Variants in PDE1A observed in about 807,000 individuals in gnomAD.
The protein encoded by PDE1A is dual specificity calcium/calmodulin-dependent 3',5'-cyclic nucleotide phosphodiesterase 1A.
PDE1A carries 35 observed loss-of-function variants against 61.7 expected under a neutral mutation model. The observed-to-expected ratio is 0.57, with a 90% CI of 0.43 to 0.75. The LOEUF (loss-of-function observed/expected upper bound fraction) is 0.75, where lower values mean the gene tolerates loss of function less well. PDE1A is among the 30% of genes least tolerant of loss of function. The pLI is 0.00. For missense variants in PDE1A, 597 were observed against 630.6 expected, an observed-to-expected ratio of 0.95 and a Z score of 0.57; for synonymous variants, 232 against 213.2, an observed-to-expected ratio of 1.09 and a Z score of -0.77.
intron 1 of PDE1A, among the ~76,000 whole-genome samples, chr2:182,270,139 C>T (rs1306542063): frequency 6.6e-6 from 1 of 152,052 alleles, no homozygotes; most frequent in Non-Finnish European, 1.5e-5. Flanking sequence ...AAGGGACTTC[C>T]TTACCTTCTA....
Position 182,478,639 on chromosome 2 carries a change from C to T in PDE1A, c.101+43637G>A, listed in dbSNP as rs535894134. Among the ~76,000 whole-genome samples the T allele has an allele frequency of 7.0e-4, 107 of 152,004 alleles. 1 individual carries two copies. Among genetic ancestry groups the T allele is most frequent in the African/African-American group, 2.5e-3 (102 of 41,516 alleles). ...CACAACACAAAAGTCAAACATAGTA[C>T]CTGGACTGATCATGTCTGGATATCA... On this transcript the variant is annotated intron_variant, in intron 2 of 14. Transcript: ENST00000410103.
At chr2:182,710,229 A>T in the PDE1A span, among the ~76,000 whole-genome samples, 2 of 152,204 alleles carry the variant, frequency 1.3e-5, no homozygotes, top group Non-Finnish European at 2.9e-5. Context: ...ATTTTAAAAT[A>T]TTTAATTGAC....
chr2:182,168,637 G>A (rs909152328), intron 13 of PDE1A, among the ~76,000 whole-genome samples: 1 of 152,026 alleles, frequency 6.6e-6, no homozygotes, highest in Non-Finnish European at 1.5e-5. Context: ...AATCTAATGA[G>A]AGATTATCTT....
At chr2:182,619,399 C>G in the PDE1A span, among the ~76,000 whole-genome samples, 1 of 152,158 alleles carries the variant, frequency 6.6e-6, no homozygotes, top group South Asian at 2.1e-4. Flanking sequence ...TTGTGTGACC[C>G]ATACAAGCAG....
At chr2:182,147,514 GT>G (rs1163610321) in intron 13 of PDE1A, among the ~76,000 whole-genome samples, 2 of 152,068 alleles carry the variant, frequency 1.3e-5, no homozygotes, top group Admixed American at 6.6e-5. Context: ...AATGATCAAT[GT>G]TTTTTAACCA....
chr2:182,428,391 C>T (rs1203921161), upstream of PDE1A, among the ~76,000 whole-genome samples: 4 of 152,036 alleles, frequency 2.6e-5, no homozygotes, highest in Non-Finnish European at 4.4e-5. Flanking sequence ...AAAAACTACA[C>T]ACTTATTATG....
At chr2:182,222,006 C>A (rs1688767187) in intron 7 of PDE1A, among the ~76,000 whole-genome samples, 1 of 151,844 alleles carries the variant, frequency 6.6e-6, no homozygotes. Flanking sequence ...CCACATCAAA[C>A]AATAACTCCC....
At chr2:182,408,473 T>C (rs1021435059) in intron 1 of PDE1A, among the ~76,000 whole-genome samples, 1 of 152,204 alleles carries the variant, frequency 6.6e-6, no homozygotes, top group African/African-American at 2.4e-5. Context: ...ATCAAGTGCT[T>C]ATTAAATGGT....
chr2:182,632,089 CAGTT>C, the PDE1A span, among the ~76,000 whole-genome samples: 3 of 151,984 alleles, frequency 2.0e-5, no homozygotes, highest in Non-Finnish European at 2.9e-5. Context: ...GGGTGAGAGA[CAGTT>C]AGTCTGGAGA....
At chr2:182,436,327 T>C (rs1004073404) in intron 2 of PDE1A, among the ~76,000 whole-genome samples, 4 of 152,066 alleles carry the variant, frequency 2.6e-5, no homozygotes, top group African/African-American at 9.7e-5. Context: ...TTACTATTAA[T>C]TGTTCTATGA....
chr2:182,361,566 T>G (rs989758783), intron 1 of PDE1A, among the ~76,000 whole-genome samples: 1 of 152,056 alleles, frequency 6.6e-6, no homozygotes, highest in Non-Finnish European at 1.5e-5. Flanking sequence ...TTCCTTTAAT[T>G]TCTACACACA....
chr2:182,502,731 T>A (rs1318971740), intron 2 of PDE1A, among the ~76,000 whole-genome samples: 2 of 152,156 alleles, frequency 1.3e-5, no homozygotes, highest in African/African-American at 4.8e-5. Context: ...CAGACTTTTT[T>A]CATTTGGCAG....
At chr2:182,511,304 G>A (rs1352892079) in intron 2 of PDE1A, among the ~76,000 whole-genome samples, 1 of 151,986 alleles carries the variant, frequency 6.6e-6, no homozygotes, top group Non-Finnish European at 1.5e-5. Context: ...ATTGAGAGTG[G>A]ACAGAGGAAA....
At chr2:182,503,133 C>G (rs547827046) in intron 2 of PDE1A, among the ~76,000 whole-genome samples, 38 of 151,704 alleles carry the variant, frequency 2.5e-4, no homozygotes, top group African/African-American at 8.7e-4. Flanking sequence ...ATATCCATTT[C>G]ATCAGTGCAT....
chr2:182,546,020 A>T, the PDE1A span, among the ~76,000 whole-genome samples: 1 of 152,184 alleles, frequency 6.6e-6, no homozygotes, highest in African/African-American at 2.4e-5. Flanking sequence ...GTGGAGAATA[A>T]CCCATTGCTC....
chr2:182,404,347 C>T (rs777209049), intron 1 of PDE1A, among the ~76,000 whole-genome samples: 28 of 152,118 alleles, frequency 1.8e-4, no homozygotes, highest in Admixed American at 9.2e-4. Flanking sequence ...TATCCCAGGA[C>T]GACCCTTCTA....
chr2:182,246,025 C>G (rs1182460708), intron 2 of PDE1A, among the ~76,000 whole-genome samples: 2 of 152,210 alleles, frequency 1.3e-5, no homozygotes, highest in African/African-American at 4.8e-5. Context: ...GCTCCTGACC[C>G]CTGTCAGTCT....
intron 1 of PDE1A, among the ~76,000 whole-genome samples, chr2:182,356,537 C>T (rs1699191307): frequency 6.6e-6 from 1 of 152,010 alleles, no homozygotes; most frequent in South Asian, 2.1e-4. Flanking sequence ...ATCACTGGAG[C>T]TCAGGAGTTC....
At chr2:182,395,257 C>T (rs907013382) in intron 1 of PDE1A, among the ~76,000 whole-genome samples, 7 of 152,218 alleles carry the variant, frequency 4.6e-5, no homozygotes, top group South Asian at 2.1e-4. Flanking sequence ...GTCAACTCTC[C>T]GGCTTTGTGT....
Sources: gnomAD v4.1 joint callset for allele counts (sites outside exome capture counted in the v4.1 genomes callset) on GRCh38, gnomAD v4.1.1 for gene constraint, MANE v1.5 for transcripts, NCBI Gene and HGNC (gene_info 2026-07-23, HGNC 2026-07-21) for gene names.